Variants in METTL15 observed in about 807,000 individuals in gnomAD.
METTL15 encodes methyltransferase 15, mitochondrial 12S rRNA N4-cytidine.
METTL15 carries 34 observed loss-of-function variants against 38.3 expected under a neutral mutation model. The observed-to-expected ratio is 0.89, with a 90% CI of 0.68 to 1.18. The LOEUF is 1.18. METTL15 is among the 50% of genes most tolerant of loss of function. METTL15 has a pLI of 0.00. For synonymous variants in METTL15, 162 were observed against 170.9 expected (o/e 0.95, Z 0.41); for missense variants, 438 against 498.4 (o/e 0.88, Z 1.15).
At chr11:28,272,029 C>T (rs1303915951) in intron 4 of METTL15, among the ~76,000 whole-genome samples, 5 of 152,130 alleles carry the variant, frequency 3.3e-5, no homozygotes, top group Admixed American at 6.6e-5. Flanking sequence ...TACCATTTCA[C>T]GCCAGTTAGA....
intron 5 of METTL15, among the ~76,000 whole-genome samples, chr11:28,368,458 T>A (rs1405159521): frequency 2.0e-5 from 3 of 152,116 alleles, no homozygotes; most frequent in African/African-American, 7.2e-5. Context: ...TGAGATACCA[T>A]CTCACGCCAG....
chr11:28,380,949 A>C (rs1003889718), intron 5 of METTL15, among the ~76,000 whole-genome samples: 5 of 151,538 alleles, frequency 3.3e-5, no homozygotes, highest in African/African-American at 1.2e-4. Context: ...ATCATATCTC[A>C]TTCACTTCTT....
chr11:28,196,243 CATT>C (rs1188835072), intron 3 of METTL15, among the ~76,000 whole-genome samples: 1 of 151,862 alleles, frequency 6.6e-6, no homozygotes, highest in Non-Finnish European at 1.5e-5. Context: ...TGATGAATAA[CATT>C]AGTATTTTGA....
downstream of METTL15, among the ~76,000 whole-genome samples, chr11:28,334,852 T>C (rs1849886607): frequency 6.6e-6 from 1 of 152,198 alleles, no homozygotes; most frequent in Admixed American, 6.5e-5. Context: ...TCATAATTTA[T>C]AATGCTTGTC....
intron 6 of METTL15, among the ~76,000 whole-genome samples, chr11:28,443,830 A>G (rs571108992): frequency 6.6e-6 from 1 of 152,248 alleles, no homozygotes; most frequent in East Asian, 1.9e-4. Flanking sequence ...CACCTTCATC[A>G]TTGTTCCCCT....
rs143391447 is a variant in METTL15 at position 28,451,055 on chromosome 11, A to T, written c.*424+26691A>T. 5.1e-4 allele frequency among the ~76,000 whole-genome samples: 78 copies of T among 152,318 alleles called. 1 individual carries two copies. The East Asian group carries it at 0.014, about 27-fold the overall frequency. ...TTGACTCCAAAGGTCTTTCTGCTGC[A>T]CCATATGTATCAGTCAGGATTCTTA... On this transcript the variant is annotated intron_variant and NMD_transcript_variant, in intron 6 of 7. Coordinates refer to the METTL15 transcript ENST00000532947.
chr11:28,483,417 T>TA (rs1287419530), intron 6 of METTL15, among the ~76,000 whole-genome samples: 1 of 152,216 alleles, frequency 6.6e-6, no homozygotes, highest in African/African-American at 2.4e-5. Context: ...AGGCTTAAAA[T>TA]ACTGATCAAG....
chr11:28,280,748 G>T, intron 4 of METTL15, among the ~76,000 whole-genome samples: 2 of 144,618 alleles, frequency 1.4e-5, no homozygotes, highest in Admixed American at 7.1e-5. Context: ...TGCGTTTCAT[G>T]TCCCTAATTC....
At chr11:28,347,605 G>T (rs189562002) in intron 3 of METTL15, among the ~76,000 whole-genome samples, 1 of 152,212 alleles carries the variant, frequency 6.6e-6, no homozygotes, top group African/African-American at 2.4e-5. Context: ...CTGAATTTCT[G>T]TGTACTCATT....
At chr11:28,340,167 T>A (rs989728619) in intron 3 of METTL15, among the ~76,000 whole-genome samples, 1 of 152,096 alleles carries the variant, frequency 6.6e-6, no homozygotes, top group Admixed American at 6.5e-5. Context: ...CATTTTTAAA[T>A]CATTTTAAAA....
Position 28,471,656 on chromosome 11 carries a change from A to G in METTL15, c.*424+47292A>G, listed in dbSNP as rs547985953. ...TCATCTCTGGAACAGAACATAACAC[A>G]TTCTGAACCAAGGTCTAGATATAAT... On this transcript the variant is annotated intron_variant and NMD_transcript_variant, in intron 6 of 7. Transcript: ENST00000532947. Among the ~76,000 whole-genome samples, 7 of 152,228 alleles carry G rather than the reference A, an allele frequency of 4.6e-5. No homozygotes were observed. The South Asian group carries it at 1.0e-3, about 23-fold the overall frequency.
intron 3 of METTL15, among the ~76,000 whole-genome samples, chr11:28,182,256 A>G (rs1255049573): frequency 4.0e-5 from 6 of 151,816 alleles, no homozygotes; most frequent in Admixed American, 3.9e-4. Flanking sequence ...GCTCTTTATT[A>G]TAATTTGACC....
chr11:28,350,615 T>A (rs1423757590), intron 3 of METTL15, among the ~76,000 whole-genome samples: 1 of 152,240 alleles, frequency 6.6e-6, no homozygotes. Flanking sequence ...TTTCTCTACT[T>A]GTTTTTGACT....
intron 3 of METTL15, among the ~76,000 whole-genome samples, chr11:28,203,675 G>A (rs965755598): frequency 1.3e-5 from 2 of 151,978 alleles, no homozygotes; most frequent in African/African-American, 2.4e-5. Flanking sequence ...GGAATAGTCT[G>A]TTATGTCCCT....
intron 6 of METTL15, among the ~76,000 whole-genome samples, chr11:28,507,884 C>T (rs992981418): frequency 1.3e-5 from 2 of 152,118 alleles, no homozygotes; most frequent in Non-Finnish European, 2.9e-5. Context: ...TTCCAGTTCT[C>T]CTCATTCTAT....
At chr11:28,283,636 G>A (rs905232974) in intron 4 of METTL15, among the ~76,000 whole-genome samples, 18 of 152,162 alleles carry the variant, frequency 1.2e-4, no homozygotes, top group Admixed American at 3.3e-4. Flanking sequence ...TACTACAAGT[G>A]CAGATGACTT....
chr11:28,323,063 T>TACTTCC (rs1849522994), intron 6 of METTL15, among the ~76,000 whole-genome samples: 1 of 152,192 alleles, frequency 6.6e-6, no homozygotes, highest in African/African-American at 2.4e-5. Flanking sequence ...CCTATATGTA[T>TACTTCC]TTTTGTCATA....
chr11:28,131,578 C>G (rs1849340473), intron 3 of METTL15, among the ~76,000 whole-genome samples: 1 of 103,226 alleles, frequency 9.7e-6, no homozygotes, highest in Non-Finnish European at 2.0e-5. Flanking sequence ...ATGTTTATTT[C>G]TCTTATTTTT....
chr11:28,326,760 TGTTTTTGTTTTTGTTTTTGTTTTTTG>T (rs1849647644), intron 6 of METTL15, among the ~76,000 whole-genome samples: 1 of 151,730 alleles, frequency 6.6e-6, no homozygotes, highest in Non-Finnish European at 1.5e-5. Context: ...AGGATTTTTT[TGTTTTTGTTTTTGTTTTTGTTTTTTG>T]GTTTTTGTTT....
Sources: allele counts gnomAD v4.1 joint callset (sites outside exome capture counted in the v4.1 genomes callset), GRCh38; gene constraint gnomAD v4.1.1; transcripts MANE v1.5; gene names NCBI Gene and HGNC (gene_info 2026-07-23, HGNC 2026-07-21).